Variants in XPR1 observed in about 807,000 individuals in gnomAD.
XPR1 encodes the protein solute carrier family 53 member 1.
XPR1 carries 28 observed loss-of-function variants against 87.5 expected under a neutral mutation model. The ratio of observed to expected loss-of-function variants is 0.32; its 90% confidence interval spans 0.24 to 0.44. XPR1 has a LOEUF of 0.44. Among genes scored for constraint, XPR1 ranks in the 20% least tolerant of loss-of-function variants. The pLI is 1.00. For synonymous variants in XPR1, 300 were observed against 306.1 expected (o/e 0.98, Z 0.21); for missense variants, 559 against 862.3 (o/e 0.65, Z 4.41).
At chr1:180,830,875 G>C (rs980179944) in intron 9 of XPR1, among the ~76,000 whole-genome samples, 16 of 152,186 alleles carry the variant, frequency 1.1e-4, no homozygotes, top group African/African-American at 3.9e-4. Flanking sequence ...CACAGAATAT[G>C]TTAGGAAGAG....
At chr1:180,815,537 A>G (rs1650377124) in intron 7 of XPR1, among the ~76,000 whole-genome samples, 4 of 152,310 alleles carry the variant, frequency 2.6e-5, no homozygotes, top group Admixed American at 2.6e-4. Context: ...AAACATTCAC[A>G]TTAAAAAATG....
chr1:180,790,578 C>T (rs867409676), intron 3 of XPR1, among the ~76,000 whole-genome samples: 4 of 152,252 alleles, frequency 2.6e-5, no homozygotes, highest in Non-Finnish European at 4.4e-5. Flanking sequence ...CTCACTCTGT[C>T]GCCCAGGCTG....
chr1:180,742,898 G>T (rs1478772605), intron 2 of XPR1, among the ~76,000 whole-genome samples: 1 of 151,536 alleles, frequency 6.6e-6, no homozygotes, highest in Non-Finnish European at 1.5e-5. Context: ...CTCTATCCTT[G>T]GTAATTTTGT....
At chr1:180,824,611 G>A in intron 7 of XPR1, 142 bp from the exon 8 acceptor site, 1 of 692,652 alleles carries the variant, frequency 1.4e-6, no homozygotes, top group East Asian at 2.7e-5. Flanking sequence ...TAGATAGATA[G>A]ATGATAGATA....
intron 13 of XPR1, among the ~76,000 whole-genome samples, chr1:180,877,657 CAGTG>C (rs923453673): frequency 1.3e-5 from 2 of 152,070 alleles, no homozygotes; most frequent in Non-Finnish European, 2.9e-5. Flanking sequence ...GGTAATTACA[CAGTG>C]AGTCCCTTTA....
At chr1:180,775,608 A>G (rs1411464712) in intron 2 of XPR1, among the ~76,000 whole-genome samples, 1 of 152,216 alleles carries the variant, frequency 6.6e-6, no homozygotes, top group East Asian at 1.9e-4. Flanking sequence ...TTTAGTTAAA[A>G]GTGGATCTAA....
At position 180,834,945 on chromosome 1, in the gene XPR1, C is replaced by T. The variant is rs746587537; in HGVS notation, c.1206C>T (p.Ser402=). ...TCTGGCTGGCGGATCAGCTGAACAG[C>T]CTGTCAGTGATACTGATGGACCTGG... ...ADFWLADQLN[S]LSVILMDLEY... The change falls in exon 10 of 15, where the codon AGC becomes AGT. Residue 402 remains serine, a synonymous_variant. Transcript: ENST00000367590. 6 of 1,613,970 alleles carry T rather than the reference C, an allele frequency of 3.7e-6. No individual in the cohort carries two copies. Among genetic ancestry groups the T allele is most frequent in the Non-Finnish European group, 5.1e-6 (6 of 1,179,988 alleles).
chr1:180,652,816 CAAT>C (rs1378984873), intron 1 of XPR1, among the ~76,000 whole-genome samples: 1 of 152,164 alleles, frequency 6.6e-6, no homozygotes, highest in Non-Finnish European at 1.5e-5. Context: ...TGGCTTAAAA[CAAT>C]AATAAACATT....
chr1:180,666,185 A>C (rs1409525821), intron 1 of XPR1, among the ~76,000 whole-genome samples: 1 of 152,168 alleles, frequency 6.6e-6, no homozygotes. Context: ...TATTTGGATT[A>C]TTGTAGCTTT....
intron 2 of XPR1, among the ~76,000 whole-genome samples, chr1:180,696,293 C>A (rs1409900283): frequency 6.7e-6 from 1 of 149,212 alleles, no homozygotes; most frequent in Non-Finnish European, 1.5e-5. Flanking sequence ...TATAGAAACC[C>A]TACTGATTTT....
In XPR1 at chr1:180,886,356, T is replaced by C. The variant is rs890953454; in HGVS notation, c.*2290T>C. Reference sequence around the variant, plus strand: ...GGTACTAATGTGTATCCAGAGACATTTGAATTATTAACTTTATTCTTTATT... The same window carrying C: ...GGTACTAATGTGTATCCAGAGACATCTGAATTATTAACTTTATTCTTTATT... On this transcript the variant is annotated 3_prime_UTR_variant, in exon 15 of 15. Coordinates refer to ENST00000367590, the MANE Select transcript of XPR1 (RefSeq NM_004736.4). 1 of 152,252 alleles carries C rather than the reference T, an allele frequency of 6.6e-6. No individual in the cohort carries two copies. The highest frequency in any genetic ancestry group is 2.4e-5 in the African/African-American group (1 of 41,462). 9.4% of individuals were successfully genotyped at this position (152,252 alleles called of 1,614,324 possible). A position where few individuals can be genotyped will look rare whatever the true frequency, so the allele number is the denominator to read the frequency against.
In XPR1 at chr1:180,788,290, A is replaced by G. The variant is rs540100668; in HGVS notation, c.223+436A>G. ...TCCAGAGTGGCATCTACAGTATGCCACTCGAATGTGAGAATAAAATATTGG... is the reference window on the plus strand; with the variant it reads ...TCCAGAGTGGCATCTACAGTATGCCGCTCGAATGTGAGAATAAAATATTGG... On this transcript the variant is annotated intron_variant, in intron 3 of 14. Transcript: ENST00000367590. Among the ~76,000 whole-genome samples the G allele has an allele frequency of 2.6e-4, 39 of 152,218 alleles. 1 individual carries two copies. Among genetic ancestry groups the G allele is most frequent in the Admixed American group, 2.1e-3 (32 of 15,286 alleles).
At chr1:180,688,792 A>G (rs1256609417) in intron 2 of XPR1, among the ~76,000 whole-genome samples, 2 of 152,136 alleles carry the variant, frequency 1.3e-5, no homozygotes, top group African/African-American at 4.8e-5. Flanking sequence ...CCCCACTCCC[A>G]GTTTGCTGTC....
At chr1:180,723,455 A>G (rs1442238643) in intron 2 of XPR1, among the ~76,000 whole-genome samples, 1 of 152,178 alleles carries the variant, frequency 6.6e-6, no homozygotes, top group Non-Finnish European at 1.5e-5. Context: ...CAGTCAATCT[A>G]TATATGTTAG....
At chr1:180,694,728 G>A (rs1657103730) in intron 2 of XPR1, among the ~76,000 whole-genome samples, 1 of 151,740 alleles carries the variant, frequency 6.6e-6, no homozygotes, top group African/African-American at 2.4e-5. Context: ...ACCATTATCA[G>A]TGAAGGGGCT....
intron 2 of XPR1, 145 bp downstream of exon 2, chr1:180,682,556 A>C: frequency 3.0e-6 from 1 of 331,866 alleles, no homozygotes; most frequent in Non-Finnish European, 5.2e-6. Flanking sequence ...TATTATGATT[A>C]TTTTATATTT....
chr1:180,860,836 A>G (rs4652533), intron 11 of XPR1, among the ~76,000 whole-genome samples: 51,581 of 151,728 alleles, frequency 0.34, 9,146 homozygotes, highest in Non-Finnish European at 0.38. Flanking sequence ...TGGGCTTGCA[A>G]GAGAGAAACA....
intron 3 of XPR1, among the ~76,000 whole-genome samples, chr1:180,794,976 A>T (rs1291026871): frequency 6.6e-6 from 1 of 152,226 alleles, no homozygotes; most frequent in Non-Finnish European, 1.5e-5. Context: ...GATAAAAGAT[A>T]AAAGCAGTAT....
At chr1:180,803,273 G>C in intron 3 of XPR1, 115 bp from the exon 4 acceptor site, 1 of 948,320 alleles carries the variant, frequency 1.1e-6, no homozygotes, top group South Asian at 1.8e-5. Flanking sequence ...AATATTACAT[G>C]TAACGGTTTT....
Sources: gnomAD v4.1 joint callset for allele counts (sites outside exome capture counted in the v4.1 genomes callset) on GRCh38, gnomAD v4.1.1 for gene constraint, MANE v1.5 for transcripts, NCBI Gene and HGNC (gene_info 2026-07-23, HGNC 2026-07-21) for gene names.